The following DSCAM variants were observed in gnomAD, a reference collection of about 807,000 sequenced individuals.
DSCAM encodes the protein DS cell adhesion molecule.
Under a neutral mutation model 217.7 loss-of-function variants are expected in DSCAM, and 47 were observed. The ratio of observed to expected loss-of-function variants is 0.22; its 90% CI spans 0.17 to 0.28. The LOEUF is 0.28. Ranked by LOEUF, DSCAM falls within the 10% of genes least tolerant of loss-of-function variation. DSCAM has a pLI of 1.00. For synonymous variants in DSCAM, 1,056 were observed against 1,015.3 expected, an observed-to-expected ratio of 1.04 and a Z score of -0.76; for missense variants, 2,080 against 2,618.3, an observed-to-expected ratio of 0.79 and a Z score of 4.49.
chr21:40,107,898 T>G (rs1601336523), intron 20 of DSCAM, among the ~76,000 whole-genome samples: 1 of 152,178 alleles, frequency 6.6e-6, no homozygotes, highest in East Asian at 1.9e-4. Context: ...CTCCATCCCT[T>G]TATTTTGAGC....
chr21:40,106,580 G>A (rs543164674), intron 20 of DSCAM, among the ~76,000 whole-genome samples: 5 of 152,178 alleles, frequency 3.3e-5, no homozygotes, highest in African/African-American at 1.2e-4. Flanking sequence ...GTAGAATTCA[G>A]CCATGAATCC....
chr21:40,235,988 T>A (rs1289000867), intron 11 of DSCAM, among the ~76,000 whole-genome samples: 1 of 152,212 alleles, frequency 6.6e-6, no homozygotes, highest in Non-Finnish European at 1.5e-5. Context: ...AAGTACAATG[T>A]GGCTGTATTA....
intron 11 of DSCAM, among the ~76,000 whole-genome samples, chr21:40,250,354 CT>C (rs546455427): frequency 6.6e-5 from 10 of 152,118 alleles, no homozygotes; most frequent in Non-Finnish European, 1.0e-4. Context: ...AGGCTACTTC[CT>C]TTAAGGTTGT....
At chr21:40,284,218 G>A (rs1032833931) in intron 10 of DSCAM, among the ~76,000 whole-genome samples, 3 of 152,204 alleles carry the variant, frequency 2.0e-5, no homozygotes, top group Non-Finnish European at 4.4e-5. Flanking sequence ...TTCAGTGAAG[G>A]AGTGCTGAAG....
Position 40,724,930 on chromosome 21 carries a change from C to T in DSCAM, c.44-16159G>A, listed in dbSNP as rs190227751. 3.1e-3 allele frequency among the ~76,000 whole-genome samples: 470 copies of T among 152,294 alleles called. 2 individuals are homozygous for T. The highest frequency in any genetic ancestry group is 0.011 in the African/African-American group (447 of 41,566). Reference sequence around the variant, plus strand: ...TTAAGTAATTTCTTTCTTCATGTAACGCACAGGTTTAAGTTTCAGAAACAA... The same window carrying T: ...TTAAGTAATTTCTTTCTTCATGTAATGCACAGGTTTAAGTTTCAGAAACAA... On this transcript the variant is annotated intron_variant, in intron 1 of 32. Coordinates refer to ENST00000400454, the MANE Select transcript of DSCAM (RefSeq NM_001389.5).
intron 14 of DSCAM, among the ~76,000 whole-genome samples, chr21:40,182,730 G>A (rs1186895628): frequency 3.0e-5 from 2 of 67,650 alleles, no homozygotes; most frequent in Non-Finnish European, 2.7e-5. Flanking sequence ...CCGTGGACGG[G>A]GGGGCTACCA....
At chr21:40,644,670 C>T (rs1016167730) in intron 3 of DSCAM, among the ~76,000 whole-genome samples, 2 of 152,184 alleles carry the variant, frequency 1.3e-5, no homozygotes, top group African/African-American at 2.4e-5. Flanking sequence ...ACATTGCATT[C>T]GGGGCTCTTG....
chr21:40,477,717 A>G (rs930002545), intron 3 of DSCAM, among the ~76,000 whole-genome samples: 5 of 152,220 alleles, frequency 3.3e-5, no homozygotes, highest in African/African-American at 7.2e-5. Context: ...ATTTTAGAAT[A>G]TTATCAAAAT....
chr21:40,323,358 A>T (rs1291633622), intron 8 of DSCAM, among the ~76,000 whole-genome samples: 1 of 152,214 alleles, frequency 6.6e-6, no homozygotes, highest in Non-Finnish European at 1.5e-5. Context: ...TCTGTGTGTG[A>T]CACACTCTCC....
At chr21:40,518,777 A>G (rs901635696) in intron 3 of DSCAM, among the ~76,000 whole-genome samples, 2 of 150,450 alleles carry the variant, frequency 1.3e-5, no homozygotes, top group African/African-American at 4.9e-5. Flanking sequence ...ATCATGATAC[A>G]ACTGTGCATG....
intron 3 of DSCAM, among the ~76,000 whole-genome samples, chr21:40,378,720 TAGCTGG>T (rs2074990719): frequency 6.6e-6 from 1 of 151,192 alleles, no homozygotes; most frequent in Admixed American, 6.6e-5. Flanking sequence ...GCCTCCCGAG[TAGCTGG>T]GACTACAGGC....
chr21:40,845,513 T>G (rs2123698886), intron 1 of DSCAM, among the ~76,000 whole-genome samples: 1 of 151,062 alleles, frequency 6.6e-6, no homozygotes, highest in Non-Finnish European at 1.5e-5. Context: ...ATTTCCTCTC[T>G]TCTCTTCTTT....
At chr21:40,085,837 A>G in intron 22 of DSCAM, 72 bp from the exon 23 acceptor site, 1 of 1,324,604 alleles carries the variant, frequency 7.5e-7, no homozygotes, top group African/African-American at 1.5e-5. Flanking sequence ...GGGGAAAAAC[A>G]GAAAGACTCT....
chr21:40,042,290 AG>A, intron 32 of DSCAM, 80 bp downstream of exon 32: 6 of 1,491,462 alleles, frequency 4.0e-6, no homozygotes, highest in Non-Finnish European at 5.5e-6. Context: ...AACACTGAGA[AG>A]GGCTTTCACA....
intron 3 of DSCAM, among the ~76,000 whole-genome samples, chr21:40,373,252 G>A (rs2123707734): frequency 6.6e-6 from 1 of 152,362 alleles, no homozygotes; most frequent in South Asian, 2.1e-4. Context: ...AGGCATGCAT[G>A]ATCTCCAGAA....
chr21:40,762,795 A>AG lies in DSCAM; in HGVS notation c.44-54025dup, dbSNP rs1601228276. ...AAGTCAGCTTCATCCCTGGGATGCA[A>AG]GGCAGATTCAACATACACAAATCAA... On this transcript the variant is annotated intron_variant, in intron 1 of 32. Transcript: ENST00000400454. Among the ~76,000 whole-genome samples the AG allele has an allele frequency of 2.0e-5, 3 of 152,316 alleles. No individual in the cohort carries two copies. The East Asian group carries it at 5.8e-4, about 29-fold the overall frequency.
chr21:40,685,260 G>C (rs773659644), intron 3 of DSCAM, among the ~76,000 whole-genome samples: 5 of 152,230 alleles, frequency 3.3e-5, no homozygotes, highest in Non-Finnish European at 7.3e-5. Context: ...GTCTGAGACT[G>C]TCAGTCTTAT....
At chr21:40,569,336 C>T (rs930729593) in intron 3 of DSCAM, among the ~76,000 whole-genome samples, 1 of 152,116 alleles carries the variant, frequency 6.6e-6, no homozygotes, top group Admixed American at 6.6e-5. Context: ...CTAGGTGTTG[C>T]TATGAAGGTT....
chr21:40,381,586 AG>A (rs1305808688), intron 3 of DSCAM, among the ~76,000 whole-genome samples: 1 of 152,238 alleles, frequency 6.6e-6, no homozygotes, highest in Admixed American at 6.5e-5. Flanking sequence ...GCAACCCAAA[AG>A]GAATTTAAGA....
Sources: gnomAD v4.1 joint callset for allele counts (sites outside exome capture counted in the v4.1 genomes callset) on GRCh38, gnomAD v4.1.1 for gene constraint, MANE v1.5 for transcripts, NCBI Gene and HGNC (gene_info 2026-07-23, HGNC 2026-07-21) for gene names.